CAST: variants seen among roughly 807,000 people sequenced by gnomAD.
CAST encodes MIR583 host.
Under a neutral mutation model 119.6 loss-of-function variants are expected in CAST, and 76 were observed. The observed-to-expected ratio is 0.64, with a 90% confidence interval of 0.53 to 0.77. The LOEUF is 0.77. Among genes scored for constraint, CAST ranks in the 30% least tolerant of loss-of-function variants. The pLI, the probability that CAST is intolerant of heterozygous loss-of-function variation, is 0.00. For missense variants in CAST, 953 were observed against 946.5 expected (o/e 1.01, Z -0.09); for synonymous variants, 319 against 331.6 (o/e 0.96, Z 0.41).
chr5:96,433,073 A>AAGGGAAG, the CAST span: 2 of 1,606,692 alleles, frequency 1.2e-6, no homozygotes, highest in African/African-American at 2.7e-5. Context: ...CAAGAGTGGG[A>AAGGGAAG]AGGGAAGAGG....
the CAST span, chr5:96,423,510 C>T: frequency 6.4e-7 from 1 of 1,565,652 alleles, no homozygotes; most frequent in South Asian, 1.1e-5. Flanking sequence ...TTGCTTGCTA[C>T]AAAATGGGCA....
intron 1 of CAST, among the ~76,000 whole-genome samples, chr5:96,645,647 A>G (rs1355219043): frequency 2.6e-5 from 4 of 152,002 alleles, no homozygotes; most frequent in Non-Finnish European, 5.9e-5. Flanking sequence ...GTTGCTTTCC[A>G]AGAGGTGTAA....
At chr5:96,462,713 C>A in the CAST span, among the ~76,000 whole-genome samples, 2 of 152,114 alleles carry the variant, frequency 1.3e-5, no homozygotes, top group Non-Finnish European at 2.9e-5. Context: ...TGTGTCCCCA[C>A]TAAAATCTCA....
At chr5:96,402,864 G>T in the CAST span, among the ~76,000 whole-genome samples, 11 of 152,160 alleles carry the variant, frequency 7.2e-5, no homozygotes, top group Admixed American at 4.6e-4. Context: ...GGGATCCTCA[G>T]TGAGTCCCAG....
chr5:96,133,149 G>T, the CAST span, among the ~76,000 whole-genome samples: 5 of 152,186 alleles, frequency 3.3e-5, no homozygotes, highest in Non-Finnish European at 7.4e-5. Context: ...CAAGGCATTT[G>T]CTGAAGCAAA....
the CAST span, among the ~76,000 whole-genome samples, chr5:96,283,205 A>T: frequency 6.6e-6 from 1 of 152,068 alleles, no homozygotes; most frequent in Non-Finnish European, 1.5e-5. Context: ...TCTAGGGGGT[A>T]GGGACTGGGC....
chr5:96,296,951 C>G, the CAST span, among the ~76,000 whole-genome samples: 2 of 152,060 alleles, frequency 1.3e-5, no homozygotes, highest in Admixed American at 1.3e-4. Context: ...TCTCTACATT[C>G]GATAATATTT....
chr5:96,514,079 C>T, the CAST span, among the ~76,000 whole-genome samples: 1 of 152,174 alleles, frequency 6.6e-6, no homozygotes, highest in Non-Finnish European at 1.5e-5. Context: ...ATGAAAGGCC[C>T]TCTGTGCTCC....
the CAST span, among the ~76,000 whole-genome samples, chr5:96,096,644 C>T: frequency 6.6e-6 from 1 of 152,140 alleles, no homozygotes; most frequent in Non-Finnish European, 1.5e-5. Context: ...CCTATATATC[C>T]ACAGTTGACT....
chr5:96,323,132 A>G, the CAST span, among the ~76,000 whole-genome samples: 2 of 152,144 alleles, frequency 1.3e-5, no homozygotes, highest in Admixed American at 6.5e-5. Flanking sequence ...TTCAGCCTAG[A>G]AACTTCAGTC....
At chr5:96,471,798 GATT>G in the CAST span, among the ~76,000 whole-genome samples, 3 of 126,830 alleles carry the variant, frequency 2.4e-5, no homozygotes, top group East Asian at 2.0e-4. Context: ...GTGTGTGTGT[GATT>G]TGCATATGCG....
Position 96,748,546 on chromosome 5 carries a change from A to G in CAST, c.1361A>G (p.Glu454Gly). 1 of 1,577,714 alleles carries G rather than the reference A, an allele frequency of 6.3e-7. No individual in the cohort carries two copies. The highest frequency in any genetic ancestry group is 8.7e-7 in the Non-Finnish European group (1 of 1,147,212). ...KPRSESELID[E>G]LSEDFDRSEC... ...CGGAGTGAATCAGAACTCATTGATG[A>G]ACTTTCAGAAGATTTTGACCGGTCT... Residue 454 changes from glutamate (E) to glycine (G), a missense_variant, in exon 19 of 32, where the codon GAA becomes GGA. Physicochemically the swap from Glu to Gly is moderately conservative, Grantham distance 98. Coordinates refer to ENST00000675179, the MANE Select transcript of CAST (RefSeq NM_001750.7).
the CAST span, among the ~76,000 whole-genome samples, chr5:96,371,240 T>A: frequency 6.6e-6 from 1 of 152,188 alleles, no homozygotes. Flanking sequence ...TGATAAAGCA[T>A]TATTGTGCCA....
chr5:96,510,610 C>T, the CAST span, among the ~76,000 whole-genome samples: 1 of 152,124 alleles, frequency 6.6e-6, no homozygotes, highest in African/African-American at 2.4e-5. Context: ...GATTAAATCC[C>T]CATTCAAACA....
intron 1 of CAST, among the ~76,000 whole-genome samples, chr5:96,674,416 A>G (rs73774369): frequency 0.023 from 3,532 of 151,434 alleles, 141 homozygotes; most frequent in African/African-American, 0.082. Context: ...AGCATTTTAT[A>G]TTTTGATTCA....
the CAST span, among the ~76,000 whole-genome samples, chr5:96,371,247 G>C: frequency 6.6e-6 from 1 of 152,106 alleles, no homozygotes; most frequent in Non-Finnish European, 1.5e-5. Flanking sequence ...GCATTATTGT[G>C]CCAAAGCATT....
chr5:96,343,464 T>C, the CAST span, among the ~76,000 whole-genome samples: 1 of 152,222 alleles, frequency 6.6e-6, no homozygotes, highest in Non-Finnish European at 1.5e-5. Flanking sequence ...AAAATAATGA[T>C]GTTAATATTA....
At chr5:96,638,886 A>C (rs1747915646) in intron 1 of CAST, among the ~76,000 whole-genome samples, 1 of 152,156 alleles carries the variant, frequency 6.6e-6, no homozygotes. Flanking sequence ...ATCCCTTCTC[A>C]GTTTCATCTC....
chr5:96,718,223 G>A (rs1464536563), intron 3 of CAST, among the ~76,000 whole-genome samples: 1 of 152,048 alleles, frequency 6.6e-6, no homozygotes, highest in Non-Finnish European at 1.5e-5. Flanking sequence ...TATCTTTCTT[G>A]GCTTCCTCTC....
Sources: gnomAD v4.1 joint callset for allele counts (sites outside exome capture counted in the v4.1 genomes callset) on GRCh38, gnomAD v4.1.1 for gene constraint, MANE v1.5 for transcripts, NCBI Gene and HGNC (gene_info 2026-07-23, HGNC 2026-07-21) for gene names.